Variants in RBFOX1 observed in about 807,000 individuals in gnomAD.
RBFOX1 encodes RNA binding protein fox-1 homolog 1.
A neutral mutation model predicts 57.7 loss-of-function variants in RBFOX1; 8 were observed. That is an observed-to-expected ratio of 0.14 (90% CI 0.08 to 0.25). The LOEUF (loss-of-function observed/expected upper bound fraction) is 0.25, where lower values mean the gene tolerates loss of function less well. RBFOX1 is among the 10% of genes least tolerant of loss of function. The pLI is 1.00. For synonymous variants in RBFOX1, 326 were observed against 222.4 expected (o/e 1.47, Z -4.15); for missense variants, 611 against 548.5 (o/e 1.11, Z -1.14).
intron 5 of RBFOX1, among the ~76,000 whole-genome samples, chr16:7,560,754 A>G (rs2090139058): frequency 6.6e-6 from 1 of 152,122 alleles, no homozygotes; most frequent in Admixed American, 6.5e-5. Flanking sequence ...AAATGACATA[A>G]TTAGATGAGA....
At chr16:6,375,195 G>A (rs1015379666) in intron 2 of RBFOX1, among the ~76,000 whole-genome samples, 2 of 152,012 alleles carry the variant, frequency 1.3e-5, no homozygotes, top group African/African-American at 2.4e-5. Flanking sequence ...CTGCAAGAGG[G>A]TATTTTCTGT....
intron 3 of RBFOX1, among the ~76,000 whole-genome samples, chr16:6,786,237 C>T (rs1317964744): frequency 7.9e-5 from 12 of 152,264 alleles, no homozygotes; most frequent in Admixed American, 6.5e-5. Context: ...CAGAACTGGA[C>T]CCTCACAAGT....
chr16:7,419,787 C>G (rs781720134), intron 4 of RBFOX1, among the ~76,000 whole-genome samples: 1 of 152,180 alleles, frequency 6.6e-6, no homozygotes, highest in East Asian at 1.9e-4. Flanking sequence ...ATTAACACAT[C>G]GCACACTGAA....
At chr16:7,081,255 G>A (rs1281401957) in intron 4 of RBFOX1, among the ~76,000 whole-genome samples, 1 of 152,322 alleles carries the variant, frequency 6.6e-6, no homozygotes, top group African/African-American at 2.4e-5. Context: ...GGCTGGTCTT[G>A]AACTGCTGAC....
rs184169713 is a variant in RBFOX1, at chr16:5,668,325, T to C, written c.318+69364T>C. Among the ~76,000 whole-genome samples the C allele has an allele frequency of 2.6e-5, 4 of 152,172 alleles. No homozygotes were observed. In the East Asian group the frequency reaches 5.8e-4, roughly 22 times the overall value. ...ATTTAAAAAAAAAGAATTGCTAAAA[T>C]ATATAATTAAGGTCATCTCTGAGCT... is the stretch of plus-strand genomic sequence containing the variant. On this transcript the variant is annotated intron_variant, in intron 3 of 19. Transcript: ENST00000641259.
chr16:7,190,079 G>C (rs998349588), intron 4 of RBFOX1, among the ~76,000 whole-genome samples: 12 of 152,172 alleles, frequency 7.9e-5, no homozygotes, highest in African/African-American at 2.9e-4. Flanking sequence ...TAAAAATCTT[G>C]GCCGGGCACA....
intron 4 of RBFOX1, among the ~76,000 whole-genome samples, chr16:7,141,295 C>T (rs1196714130): frequency 6.6e-6 from 1 of 152,140 alleles, no homozygotes; most frequent in Non-Finnish European, 1.5e-5. Context: ...AATATTTATT[C>T]ATTATTCACC....
intron 1 of RBFOX1, among the ~76,000 whole-genome samples, chr16:5,346,996 C>CTT (rs367661590): frequency 6.8e-6 from 1 of 147,510 alleles, no homozygotes; most frequent in African/African-American, 2.5e-5. Context: ...TGCCTGGAAA[C>CTT]TTTTTTTTTT....
chr16:7,038,583 C>A (rs754379837), intron 3 of RBFOX1, among the ~76,000 whole-genome samples: 58 of 152,156 alleles, frequency 3.8e-4, no homozygotes, highest in Non-Finnish European at 7.4e-4. Flanking sequence ...AAGGTGCTTA[C>A]ATGTGTCAGA....
intron 5 of RBFOX1, among the ~76,000 whole-genome samples, chr16:7,576,241 T>C (rs2093331088): frequency 6.6e-6 from 1 of 152,030 alleles, no homozygotes; most frequent in Admixed American, 6.6e-5. Flanking sequence ...CCCATTAATG[T>C]CCTTTGATGG....
At chr16:6,106,487 G>C (rs567879093) in intron 1 of RBFOX1, among the ~76,000 whole-genome samples, 2 of 91,012 alleles carry the variant, frequency 2.2e-5, no homozygotes, top group South Asian at 7.9e-4. Context: ...AAAAAAAAAG[G>C]TAGTTCCATG....
At chr16:6,854,587 A>ATTTTTTTTTTTTTTTTTTTTTTTTTT (rs71147611) in intron 3 of RBFOX1, among the ~76,000 whole-genome samples, 4 of 70,640 alleles carry the variant, frequency 5.7e-5, no homozygotes, top group Non-Finnish European at 1.0e-4. Flanking sequence ...GGAGAGGTGA[A>ATTTTTTTTTTTTTTTTTTTTTTTTTT]TTTTTTTTTT....
intron 1 of RBFOX1, among the ~76,000 whole-genome samples, chr16:6,285,997 G>A (rs1432151268): frequency 5.3e-5 from 8 of 152,168 alleles, no homozygotes; most frequent in African/African-American, 1.9e-4. Flanking sequence ...AGCTAATATT[G>A]TTAGAGCAAA....
intron 1 of RBFOX1, among the ~76,000 whole-genome samples, chr16:5,361,613 C>T (rs952391900): frequency 6.6e-6 from 1 of 152,166 alleles, no homozygotes; most frequent in African/African-American, 2.4e-5. Context: ...GAGCGTGGGG[C>T]CTTGTGTGAT....
At chr16:6,574,571 G>C (rs1418110630) in intron 2 of RBFOX1, among the ~76,000 whole-genome samples, 1 of 150,562 alleles carries the variant, frequency 6.6e-6, no homozygotes, top group African/African-American at 2.4e-5. Flanking sequence ...TGGGACTACA[G>C]GCGCCCGCCA....
chr16:6,969,514 C>G (rs1259595537), intron 3 of RBFOX1, among the ~76,000 whole-genome samples: 4 of 151,844 alleles, frequency 2.6e-5, no homozygotes, highest in East Asian at 1.9e-4. Context: ...GTAGGTGGAT[C>G]GATTGAGCTC....
intron 4 of RBFOX1, among the ~76,000 whole-genome samples, chr16:7,512,376 C>G (rs73484419): frequency 1.6e-3 from 237 of 152,358 alleles, no homozygotes; most frequent in African/African-American, 5.4e-3. Flanking sequence ...GAAACAAAGA[C>G]ATCTCTGGAG....
At chr16:5,342,012 C>A (rs1046713491) in intron 1 of RBFOX1, among the ~76,000 whole-genome samples, 1 of 152,086 alleles carries the variant, frequency 6.6e-6, no homozygotes, top group African/African-American at 2.4e-5. Flanking sequence ...CCTCCTTCTG[C>A]ATGGAAAAAA....
intron 2 of RBFOX1, among the ~76,000 whole-genome samples, chr16:6,546,153 G>T (rs2096891833): frequency 6.6e-6 from 1 of 152,224 alleles, no homozygotes; most frequent in Non-Finnish European, 1.5e-5. Context: ...CATGTGACCT[G>T]TGGGCCATGG....
Sources: gnomAD v4.1 joint callset for allele counts (sites outside exome capture counted in the v4.1 genomes callset) on GRCh38, gnomAD v4.1.1 for gene constraint, MANE v1.5 for transcripts, NCBI Gene and HGNC (gene_info 2026-07-23, HGNC 2026-07-21) for gene names.